PRKN: variants seen among roughly 807,000 people sequenced by gnomAD.
PRKN encodes the protein E3 ubiquitin-protein ligase parkin.
PRKN carries 56 observed loss-of-function variants against 59.5 expected under a neutral mutation model. That is an observed-to-expected ratio of 0.94 (90% CI 0.76 to 1.18). The LOEUF (loss-of-function observed/expected upper bound fraction) is 1.18, where lower values mean the gene tolerates loss of function less well. Among genes scored for constraint, PRKN ranks in the 50% most tolerant of loss-of-function variants. The pLI is 0.00. For missense variants in PRKN, 657 were observed against 596.4 expected, an observed-to-expected ratio of 1.10 and a Z score of -1.06; for synonymous variants, 250 against 222.1, an observed-to-expected ratio of 1.13 and a Z score of -1.12.
At chr6:161,893,108 T>G (rs1296560150) in intron 6 of PRKN, among the ~76,000 whole-genome samples, 4 of 152,238 alleles carry the variant, frequency 2.6e-5, no homozygotes, top group African/African-American at 9.6e-5. Context: ...CCCAAAGTGC[T>G]GGGATTACAG....
chr6:161,969,989 T>G (rs1408061078), intron 6 of PRKN, among the ~76,000 whole-genome samples: 1 of 152,168 alleles, frequency 6.6e-6, no homozygotes, highest in Non-Finnish European at 1.5e-5. Context: ...TAACGGAATT[T>G]TAGGTACCTA....
chr6:162,006,073 T>C (rs1199348276), intron 5 of PRKN, among the ~76,000 whole-genome samples: 3 of 152,206 alleles, frequency 2.0e-5, no homozygotes, highest in African/African-American at 7.2e-5. Flanking sequence ...AGAATTACTA[T>C]AAAGTACACG....
chr6:162,458,657 T>C (rs1451617405), intron 1 of PRKN, among the ~76,000 whole-genome samples: 1 of 148,756 alleles, frequency 6.7e-6, no homozygotes, highest in African/African-American at 2.4e-5. Context: ...TTTTTTTTTT[T>C]TTCCCAGTGG....
chr6:161,755,826 C>T (rs1788892183), intron 7 of PRKN, among the ~76,000 whole-genome samples: 2 of 152,022 alleles, frequency 1.3e-5, no homozygotes, highest in African/African-American at 4.8e-5. Flanking sequence ...GCCAGATCAT[C>T]AAGAATGTCT....
chr6:161,508,960 T>G (rs1778276573), intron 9 of PRKN, among the ~76,000 whole-genome samples: 1 of 152,056 alleles, frequency 6.6e-6, no homozygotes, highest in South Asian at 2.1e-4. Context: ...TTCTCCCGCC[T>G]CAGCCTCCCA....
chr6:162,619,705 T>G (rs1782576838), intron 1 of PRKN, among the ~76,000 whole-genome samples: 1 of 48,970 alleles, frequency 2.0e-5, no homozygotes, highest in African/African-American at 6.2e-5. Flanking sequence ...TTTCACTTTT[T>G]CCACTCACAC....
At chr6:162,013,555 T>A (rs1354122434) in intron 5 of PRKN, among the ~76,000 whole-genome samples, 2 of 152,176 alleles carry the variant, frequency 1.3e-5, no homozygotes. Flanking sequence ...GAAATGTGTG[T>A]GTTATACACA....
chr6:161,455,525 T>C (rs985480958), intron 9 of PRKN, among the ~76,000 whole-genome samples: 2 of 152,182 alleles, frequency 1.3e-5, no homozygotes, highest in African/African-American at 4.8e-5. Flanking sequence ...TAGGCTATTC[T>C]AGTGGAGGAA....
At chr6:161,598,451 C>T (rs1477042112) in intron 7 of PRKN, among the ~76,000 whole-genome samples, 2 of 152,202 alleles carry the variant, frequency 1.3e-5, no homozygotes, top group African/African-American at 2.4e-5. Flanking sequence ...ATCTACTTAA[C>T]ATACGGGCTT....
intron 2 of PRKN, among the ~76,000 whole-genome samples, chr6:162,350,476 T>C (rs772834017): frequency 6.6e-6 from 1 of 152,166 alleles, no homozygotes; most frequent in Non-Finnish European, 1.5e-5. Flanking sequence ...TTGGTACAGA[T>C]ACAGACAAAT....
Position 161,604,368 on chromosome 6 carries a change from T to A in PRKN, c.872-34952A>T, listed in dbSNP as rs1470803450. On this transcript the variant is annotated intron_variant, in intron 7 of 11. Transcript: ENST00000366898. ...GTTTTCAAAGTAGGAGTCATGAAGC[T>A]GCCTCCAGGAGGATGGCATTCTTTA... Among the ~76,000 whole-genome samples, 3 of 152,204 alleles carry A rather than the reference T, an allele frequency of 2.0e-5. No individual in the cohort carries two copies. In the East Asian group the frequency reaches 5.8e-4, roughly 29 times the overall value.
At chr6:161,750,142 C>CACACACACACACACACATAT (rs765990689) in intron 7 of PRKN, among the ~76,000 whole-genome samples, 8 of 136,982 alleles carry the variant, frequency 5.8e-5, no homozygotes, top group Admixed American at 5.8e-4. Flanking sequence ...CACACACACA[C>CACACACACACACACACATAT]ATATATAAAT....
chr6:162,576,501 A>C (rs13209728), intron 1 of PRKN, among the ~76,000 whole-genome samples: 18,799 of 152,186 alleles, frequency 0.12, 1,274 homozygotes, highest in Middle Eastern at 0.21. Context: ...TCCTAAAAAA[A>C]CACTTCTTCC....
chr6:161,602,812 T>G (rs1010108096), intron 7 of PRKN, among the ~76,000 whole-genome samples: 2 of 152,254 alleles, frequency 1.3e-5, no homozygotes, highest in African/African-American at 4.8e-5. Flanking sequence ...GAATGCTTAT[T>G]ATGAGTAAAC....
At chr6:162,584,928 A>G (rs1780984735) in intron 1 of PRKN, among the ~76,000 whole-genome samples, 3 of 136,234 alleles carry the variant, frequency 2.2e-5, no homozygotes, top group Admixed American at 7.7e-5. Flanking sequence ...TCTTTTTGAG[A>G]TGGAGTCTCA....
At chr6:161,595,573 T>C (rs1004573856) in intron 7 of PRKN, among the ~76,000 whole-genome samples, 1 of 152,198 alleles carries the variant, frequency 6.6e-6, no homozygotes, top group Non-Finnish European at 1.5e-5. Context: ...ATTTCTCATA[T>C]GAAAGCCCAG....
chr6:162,676,929 T>G (rs1779570153), intron 1 of PRKN, among the ~76,000 whole-genome samples: 1 of 151,536 alleles, frequency 6.6e-6, no homozygotes, highest in South Asian at 2.1e-4. Context: ...GGCATGGTGG[T>G]GGGTGCCTGT....
intron 4 of PRKN, among the ~76,000 whole-genome samples, chr6:162,130,071 A>T (rs1781286691): frequency 6.6e-6 from 1 of 152,158 alleles, no homozygotes; most frequent in African/African-American, 2.4e-5. Flanking sequence ...CTCCAACACA[A>T]GGCTCCATCT....
At chr6:162,194,540 T>TG (rs1419130131) in intron 4 of PRKN, among the ~76,000 whole-genome samples, 1 of 152,200 alleles carries the variant, frequency 6.6e-6, no homozygotes, top group African/African-American at 2.4e-5. Context: ...CTGATACTGA[T>TG]GCCCTGAAAT....
Sources: allele counts gnomAD v4.1 joint callset (sites outside exome capture counted in the v4.1 genomes callset), GRCh38; gene constraint gnomAD v4.1.1; transcripts MANE v1.5; gene names NCBI Gene and HGNC (gene_info 2026-07-23, HGNC 2026-07-21).